Variants in KMT2E observed in about 807,000 individuals in gnomAD.
KMT2E encodes lysine methyltransferase 2E (inactive), also known as histone reader KMT2E.
A neutral mutation model predicts 184.6 loss-of-function variants in KMT2E; 30 were observed. The ratio of observed to expected loss-of-function variants is 0.16; its 90% CI spans 0.12 to 0.22. The LOEUF (loss-of-function observed/expected upper bound fraction) is 0.22. KMT2E is among the 10% of genes least tolerant of loss of function. The pLI is 1.00. For missense variants in KMT2E, 2,023 were observed against 2,237.4 expected (o/e 0.90, Z 1.93); for synonymous variants, 815 against 776.5 (o/e 1.05, Z -0.82).
In KMT2E at chr7:105,110,485, T is replaced by TCAC. The variant is rs1350021097; in HGVS notation, c.3856_3858dup (p.Pro1286dup). The TCAC allele has an allele frequency of 6.2e-7, 1 of 1,614,174 alleles. No homozygotes were observed. Among genetic ancestry groups the TCAC allele is most frequent in the Non-Finnish European group, 8.5e-7 (1 of 1,180,020 alleles). On this transcript the variant is annotated inframe_insertion, in exon 25 of 27. Transcript: ENST00000311117. Reference sequence around the variant, plus strand: ...CTCTGCTTCATCTCTAGGGGGAGAATCACCATGTGTCTCATGTTCACCGAG... The same window carrying TCAC: ...CTCTGCTTCATCTCTAGGGGGAGAATCACCACCATGTGTCTCATGTTCACCGAG...
In KMT2E at chr7:105,022,656, G is replaced by A. The variant is rs78773291; in HGVS notation, c.-189+8121G>A. On this transcript the variant is annotated intron_variant, in intron 1 of 26. Coordinates refer to ENST00000311117, the MANE Select transcript of KMT2E (RefSeq NM_182931.3). ...TAAACTTTCCTCTTCAAGATGTAGC[G>A]TCTGTTGATGATTCTTGCCTAAATA... Among the ~76,000 whole-genome samples the A allele has an allele frequency of 3.2e-3, 488 of 152,156 alleles. 2 individuals carry two copies. The highest frequency in any genetic ancestry group is 5.4e-3 in the Non-Finnish European group (368 of 67,990).
rs1454235722 is a variant in KMT2E, at chr7:105,109,128, A to G, written c.3655A>G (p.Thr1219Ala). ...VDHTASLPLP[T>A]PATVYNATSE... The stretch of plus-strand genomic sequence containing the variant: ...CCACACTGCTAGCCTACCTTTACCA[A>G]CACCAGCTACAGTTTATAATGCCAC... Residue 1219 changes from threonine to alanine, a missense_variant, in exon 23 of 27, where the codon ACA becomes GCA. By Grantham distance (58) the Thr-to-Ala change is moderately conservative. This residue lies in a region of KMT2E where 1,108 missense variants were observed against 1,050.9 expected (regional missense o/e 1.05). Coordinates refer to ENST00000311117, the MANE Select transcript of KMT2E (RefSeq NM_182931.3). 6.2e-7 allele frequency: 1 copy of G among 1,614,180 alleles called. No homozygotes were observed. The highest frequency in any genetic ancestry group is 1.1e-5 in the South Asian group (1 of 91,084).
intron 4 of KMT2E, among the ~76,000 whole-genome samples, chr7:105,062,840 T>C (rs1796875241): frequency 6.6e-6 from 1 of 151,880 alleles, no homozygotes; most frequent in Non-Finnish European, 1.5e-5. Context: ...AACAACACAT[T>C]TATGATACTA....
At chr7:105,053,914 C>T (rs1453578781) in intron 3 of KMT2E, among the ~76,000 whole-genome samples, 3 of 152,068 alleles carry the variant, frequency 2.0e-5, no homozygotes, top group Non-Finnish European at 4.4e-5. Flanking sequence ...TGGCACATGC[C>T]TGTAATCTCA....
At chr7:105,107,951 C>A in intron 22 of KMT2E, 26 bp downstream of exon 22, 2 of 1,417,150 alleles carry the variant, frequency 1.4e-6, no homozygotes, top group Non-Finnish European at 1.9e-6. Flanking sequence ...ATTTATAGTC[C>A]TTTTAATAGT....
At chr7:105,101,349 T>C (rs1455488378) in intron 15 of KMT2E, 76 bp from the exon 16 acceptor site, 8 of 1,014,550 alleles carry the variant, frequency 7.9e-6, no homozygotes, top group Non-Finnish European at 9.5e-6. Flanking sequence ...TTTTTACATT[T>C]ATCACAAACA....
In KMT2E at chr7:105,079,059, C is replaced by T. The variant is rs77822030; in HGVS notation, c.1248+96C>T. 5.6e-3 allele frequency: 3,737 copies of T among 665,206 alleles called. 93 individuals are homozygous for T. The East Asian group carries it at 0.06, about 11-fold the overall frequency. The allele number at this position is 665,206 out of a possible 1,614,324, so 41.2% of individuals were successfully genotyped here. On this transcript the variant is annotated intron_variant, in intron 12 of 26. Coordinates refer to ENST00000311117, the MANE Select transcript of KMT2E (RefSeq NM_182931.3). ...AAACTCAGGTCACTGACCTAAGACACTTTCCACCTGTTGGTGCATTTTATA... is the reference window on the plus strand; with the variant it reads ...AAACTCAGGTCACTGACCTAAGACATTTTCCACCTGTTGGTGCATTTTATA...
intron 1 of KMT2E, among the ~76,000 whole-genome samples, chr7:105,031,114 T>C (rs1290976729): frequency 6.6e-6 from 1 of 151,820 alleles, no homozygotes; most frequent in African/African-American, 2.4e-5. Flanking sequence ...CCTAACACCT[T>C]GGGAGGCCAA....
intron 1 of KMT2E, among the ~76,000 whole-genome samples, chr7:105,017,435 T>G (rs1384007897): frequency 5.0e-5 from 5 of 99,682 alleles, no homozygotes; most frequent in Admixed American, 4.1e-4. Context: ...TTGTTTTTTG[T>G]TTTTTTTTTT....
At chr7:105,108,605 G>A (rs761564626) in intron 22 of KMT2E, 2 of 463,040 alleles carry the variant, frequency 4.3e-6, no homozygotes, top group Non-Finnish European at 8.6e-6. Flanking sequence ...GGGCTTTCAA[G>A]TAAGACCTAG....
At chr7:105,106,079 C>G (rs1245471763) in intron 19 of KMT2E, 76 bp downstream of exon 19, 3 of 1,324,956 alleles carry the variant, frequency 2.3e-6, no homozygotes, top group African/African-American at 3.1e-5. Flanking sequence ...AGGCATATTT[C>G]TAGTTACTGG....
chr7:105,016,443 T>C (rs1056525348), intron 1 of KMT2E, among the ~76,000 whole-genome samples: 1 of 152,322 alleles, frequency 6.6e-6, no homozygotes, highest in Non-Finnish European at 1.5e-5. Context: ...TTACCTATTA[T>C]AGGATTGTGG....
chr7:105,017,449 G>A (rs1331319983), intron 1 of KMT2E, among the ~76,000 whole-genome samples: 2 of 133,232 alleles, frequency 1.5e-5, no homozygotes, highest in Admixed American at 1.5e-4. Context: ...TTTTTTTGAT[G>A]TTTTAGTTCC....
chr7:105,046,838 T>G (rs780223386), intron 3 of KMT2E, among the ~76,000 whole-genome samples: 2 of 152,202 alleles, frequency 1.3e-5, no homozygotes, highest in Non-Finnish European at 2.9e-5. Flanking sequence ...CAATACAGTT[T>G]AACAAAATTG....
At chr7:105,081,368 T>C (rs1797757781) in intron 12 of KMT2E, among the ~76,000 whole-genome samples, 1 of 151,862 alleles carries the variant, frequency 6.6e-6, no homozygotes, top group East Asian at 1.9e-4. Flanking sequence ...TGGGCGAAAG[T>C]GTGAGACTCG....
chr7:105,051,210 AG>A (rs1796334372), intron 3 of KMT2E, among the ~76,000 whole-genome samples: 1 of 120,386 alleles, frequency 8.3e-6, no homozygotes, highest in Non-Finnish European at 1.7e-5. Flanking sequence ...TTTTAGATGG[AG>A]TTTCGCTCTT....
At chr7:105,076,487 C>G (rs1216331645) in intron 9 of KMT2E, among the ~76,000 whole-genome samples, 2 of 152,210 alleles carry the variant, frequency 1.3e-5, no homozygotes, top group African/African-American at 4.8e-5. Flanking sequence ...ACTATAAATT[C>G]ACCATAGAAC....
intron 3 of KMT2E, chr7:105,061,911 AT>A (rs905238869): frequency 1.8e-4 from 57 of 316,702 alleles, no homozygotes; most frequent in East Asian, 3.2e-4. Context: ...GACTCTAGTA[AT>A]TTTTTTTAAT....
chr7:105,073,661 A>G lies in KMT2E; in HGVS notation c.540A>G (p.Lys180=). The G allele has an allele frequency of 1.2e-6, 2 of 1,604,926 alleles. No homozygotes were observed. The highest frequency in any genetic ancestry group is 1.7e-6 in the Non-Finnish European group (2 of 1,172,096). Residue 180 remains lysine (K), a synonymous_variant, in exon 7 of 27, where the codon AAA becomes AAG. Transcript: ENST00000311117. ...KERAVLLQRR[K]RENMSDGDTS... is the part of the protein sequence containing the mutation. ...GGGCAGTGCTACTACAACGCCGGAA[A>G]AGGGAAAATATGTCAGGTAGGTAAA...
Sources: allele counts gnomAD v4.1 joint callset (sites outside exome capture counted in the v4.1 genomes callset), GRCh38; gene constraint gnomAD v4.1.1; regional missense constraint gnomAD v4.1.1; transcripts MANE v1.5; gene names NCBI Gene and HGNC (gene_info 2026-07-23, HGNC 2026-07-21).